SLC39A10: variants seen among roughly 807,000 people sequenced by gnomAD.
SLC39A10 encodes zinc transporter ZIP10.
A neutral mutation model predicts 65.1 loss-of-function variants in SLC39A10; 13 were observed. The observed-to-expected ratio is 0.20, with a 90% CI of 0.13 to 0.32. SLC39A10 has a LOEUF of 0.32. Among genes scored for constraint, SLC39A10 ranks in the 10% least tolerant of loss-of-function variants. The probability of loss-of-function intolerance (pLI) is 1.00; values close to 1 mark genes in which losing one functional copy is unlikely to be tolerated. For missense variants in SLC39A10, 831 were observed against 1,018.4 expected (o/e 0.82, Z 2.50); for synonymous variants, 321 against 342.2 (o/e 0.94, Z 0.68).
chr2:195,660,373 G>C (rs1689342443), intron 1 of SLC39A10, among the ~76,000 whole-genome samples: 1 of 152,092 alleles, frequency 6.6e-6, no homozygotes, highest in South Asian at 2.1e-4. Flanking sequence ...CTTTATAACG[G>C]AAGTTTTATA....
At chr2:195,654,572 C>T (rs1344425624), upstream of SLC39A10, among the ~76,000 whole-genome samples, 2 of 152,180 alleles carry the variant, frequency 1.3e-5, no homozygotes, top group African/African-American at 2.4e-5. Flanking sequence ...AAACCATTTA[C>T]ACATAATTCA....
intron 2 of SLC39A10, among the ~76,000 whole-genome samples, chr2:195,619,514 A>T (rs940815594): frequency 6.6e-6 from 1 of 152,196 alleles, no homozygotes; most frequent in Non-Finnish European, 1.5e-5. Context: ...TTTGCCTAAC[A>T]CAGGGCTGAG....
At chr2:195,622,911 G>C (rs111497873) in intron 2 of SLC39A10, among the ~76,000 whole-genome samples, 3 of 147,320 alleles carry the variant, frequency 2.0e-5, no homozygotes, top group African/African-American at 5.0e-5. Context: ...GGCAGAGGTT[G>C]CAGTGAGCCG....
At chr2:195,692,598 T>C (rs1690788980) in intron 3 of SLC39A10, among the ~76,000 whole-genome samples, 1 of 152,132 alleles carries the variant, frequency 6.6e-6, no homozygotes, top group Non-Finnish European at 1.5e-5. Flanking sequence ...ATTTTATTTG[T>C]AGCTATTGTA....
intron 6 of SLC39A10, 95 bp from the exon 7 acceptor site, chr2:195,716,542 C>A: frequency 1.0e-6 from 1 of 1,005,012 alleles, no homozygotes; most frequent in Non-Finnish European, 1.4e-6. Context: ...AAGACATTCA[C>A]TTAAGAAATG....
At chr2:195,637,893 T>C (rs1238120231) in intron 2 of SLC39A10, among the ~76,000 whole-genome samples, 2 of 152,284 alleles carry the variant, frequency 1.3e-5, no homozygotes, top group Middle Eastern at 3.4e-3. Context: ...TGTGAGATAA[T>C]ATGAAGTGAT....
chr2:195,679,306 G>A (rs1481467449), intron 1 of SLC39A10, among the ~76,000 whole-genome samples: 1 of 152,096 alleles, frequency 6.6e-6, no homozygotes, highest in Non-Finnish European at 1.5e-5. Flanking sequence ...AAACCTAATT[G>A]ACCAAGCACC....
chr2:195,734,437 T>C (rs1286001872), intron 9 of SLC39A10, among the ~76,000 whole-genome samples: 1 of 152,200 alleles, frequency 6.6e-6, no homozygotes, highest in Non-Finnish European at 1.5e-5. Flanking sequence ...CTGGGATTTA[T>C]GGGCGTGAGC....
chr2:195,685,960 C>T (rs1175994736), intron 3 of SLC39A10, among the ~76,000 whole-genome samples: 1 of 152,006 alleles, frequency 6.6e-6, no homozygotes, highest in Admixed American at 6.5e-5. Context: ...TGGTATACTT[C>T]GATAATGAAT....
intron 4 of SLC39A10, among the ~76,000 whole-genome samples, chr2:195,707,763 A>T (rs1691458885): frequency 1.3e-5 from 2 of 152,148 alleles, no homozygotes; most frequent in South Asian, 4.1e-4. Context: ...TTGTTTTTGT[A>T]TTAAGAAGGG....
At chr2:195,716,376 G>A (rs747417321) in intron 6 of SLC39A10, among the ~76,000 whole-genome samples, 15 of 151,956 alleles carry the variant, frequency 9.9e-5, no homozygotes, top group Admixed American at 3.9e-4. Flanking sequence ...GACCTCATCC[G>A]GAGCATCTTT....
At chr2:195,650,736 C>T (rs1228690398) in intron 2 of SLC39A10, among the ~76,000 whole-genome samples, 1 of 152,046 alleles carries the variant, frequency 6.6e-6, no homozygotes, top group African/African-American at 2.4e-5. Flanking sequence ...GCCTGAAACT[C>T]GGTTTTATTG....
rs778580688 is a variant in SLC39A10 at position 195,680,251 on chromosome 2, G to A, written c.209G>A (p.Arg70His). ...KKYYIEKLFERYGENGRLSFF... is the reference protein window; with the variant it reads ...KKYYIEKLFEHYGENGRLSFF... ...TACTATATTGAAAAACTTTTTGAGC[G>A]TTATGGTGAAAATGGAAGATTATCC... Residue 70 changes from arginine (R) to histidine (H), a missense_variant, in exon 2 of 10, where the codon CGT (arginine) becomes CAT (histidine). Arg to His is a conservative substitution (Grantham distance 29). Coordinates refer to ENST00000359634, the MANE Select transcript of SLC39A10 (RefSeq NM_020342.3). The A allele has an allele frequency of 3.2e-5, 52 of 1,613,638 alleles. No homozygotes were observed. The highest frequency in any genetic ancestry group is 4.1e-5 in the Non-Finnish European group (48 of 1,179,986).
intron 2 of SLC39A10, among the ~76,000 whole-genome samples, chr2:195,628,137 CTG>C (rs1480241956): frequency 1.3e-5 from 2 of 152,134 alleles, no homozygotes; most frequent in East Asian, 1.9e-4. Context: ...TGTAAGAAAA[CTG>C]TGAGAAAGAT....
At chr2:195,718,438 G>T in intron 8 of SLC39A10, 106 bp downstream of exon 8, 1 of 720,582 alleles carries the variant, frequency 1.4e-6, no homozygotes, top group East Asian at 2.6e-5. Context: ...AATGGCTGAT[G>T]GCAACTATAG....
chr2:195,685,281 T>TG (rs959500100), intron 3 of SLC39A10, among the ~76,000 whole-genome samples: 18 of 152,320 alleles, frequency 1.2e-4, no homozygotes, highest in Admixed American at 4.6e-4. Context: ...ACCTTTGTGA[T>TG]TTTTCCCATA....
chr2:195,651,919 AT>A (rs1301397874), upstream of SLC39A10, among the ~76,000 whole-genome samples: 4 of 152,100 alleles, frequency 2.6e-5, no homozygotes, highest in Non-Finnish European at 5.9e-5. Flanking sequence ...ATTTGAAGAT[AT>A]TTTTTTCTGA....
In SLC39A10 at chr2:195,718,304, C is replaced by T. The variant is rs772099974; in HGVS notation, c.2118C>T (p.Val706=). The T allele has an allele frequency of 1.2e-6, 2 of 1,608,202 alleles. No individual in the cohort carries two copies. Among genetic ancestry groups the T allele is most frequent in the South Asian group, 2.2e-5 (2 of 90,372 alleles). ...GAGGAATCAGTACTTCTATAGCCGTCTTCTGTCATGAACTGCCACATGAAT... is the reference window on the plus strand; with the variant it reads ...GAGGAATCAGTACTTCTATAGCCGTTTTCTGTCATGAACTGCCACATGAAT... The part of the protein sequence containing the change: ...LTGGISTSIA[V]FCHELPHELG... The change falls in exon 8 of 10, where the codon GTC becomes GTT. Residue 706 remains valine (V), a synonymous_variant. Transcript: ENST00000359634.
chr2:195,615,110 T>C (rs1431950269), intron 2 of SLC39A10, among the ~76,000 whole-genome samples: 1 of 152,058 alleles, frequency 6.6e-6, no homozygotes, highest in Non-Finnish European at 1.5e-5. Context: ...ATAGAAGTAC[T>C]AGATAGATAC....
Sources: gnomAD v4.1 joint callset for allele counts (sites outside exome capture counted in the v4.1 genomes callset) on GRCh38, gnomAD v4.1.1 for gene constraint, MANE v1.5 for transcripts, NCBI Gene and HGNC (gene_info 2026-07-23, HGNC 2026-07-21) for gene names.